FSTL5: variants seen among roughly 807,000 people sequenced by gnomAD.
The protein encoded by FSTL5 is follistatin-related protein 5.
In FSTL5, 62 loss-of-function variants were observed where a neutral mutation model predicts 89.1. That is an observed-to-expected ratio of 0.70 (90% CI 0.57 to 0.86). The LOEUF (loss-of-function observed/expected upper bound fraction) is 0.86, where lower values mean the gene tolerates loss of function less well. FSTL5 is among the 40% of genes least tolerant of loss of function. FSTL5 has a pLI of 0.00. For missense variants in FSTL5, 1,057 were observed against 1,001.6 expected (o/e 1.06, Z -0.75); for synonymous variants, 383 against 346.2 (o/e 1.11, Z -1.18).
intron 1 of FSTL5, among the ~76,000 whole-genome samples, chr4:162,154,953 A>G (rs925372070): frequency 1.3e-5 from 2 of 152,166 alleles, no homozygotes; most frequent in African/African-American, 2.4e-5. Context: ...ATTTAGGGTT[A>G]GAAAGAAAAG....
intron 13 of FSTL5, among the ~76,000 whole-genome samples, chr4:161,469,127 A>G (rs1054756533): frequency 1.3e-5 from 2 of 152,014 alleles, no homozygotes; most frequent in African/African-American, 2.4e-5. Flanking sequence ...TTCAGTCTCT[A>G]TTATTTTCAC....
chr4:161,961,872 G>A (rs2110982239), intron 3 of FSTL5, among the ~76,000 whole-genome samples: 1 of 151,560 alleles, frequency 6.6e-6, no homozygotes, highest in Non-Finnish European at 1.5e-5. Flanking sequence ...CAAAAGCTAT[G>A]ATAACAAACA....
At chr4:161,939,860 C>T (rs927883842) in intron 3 of FSTL5, among the ~76,000 whole-genome samples, 2 of 151,832 alleles carry the variant, frequency 1.3e-5, no homozygotes, top group African/African-American at 4.8e-5. Context: ...AAAAGTCAAG[C>T]ATAAACTGTC....
At chr4:161,737,231 T>C (rs566433140) in intron 6 of FSTL5, among the ~76,000 whole-genome samples, 2 of 152,184 alleles carry the variant, frequency 1.3e-5, no homozygotes, top group East Asian at 1.9e-4. Context: ...ATCTGACATG[T>C]CCATAAAGCA....
At chr4:161,808,255 A>G (rs1730028098) in intron 4 of FSTL5, among the ~76,000 whole-genome samples, 1 of 152,046 alleles carries the variant, frequency 6.6e-6, no homozygotes, top group African/African-American at 2.4e-5. Flanking sequence ...AAATAATTAG[A>G]CAGGGATTTC....
intron 5 of FSTL5, among the ~76,000 whole-genome samples, chr4:161,760,775 T>G (rs924650355): frequency 6.6e-6 from 1 of 152,232 alleles, no homozygotes; most frequent in East Asian, 1.9e-4. Context: ...CAGAATGTCT[T>G]GGACTTTCTT....
intron 7 of FSTL5, among the ~76,000 whole-genome samples, chr4:161,638,113 A>AT (rs201255726): frequency 0.17 from 24,903 of 150,066 alleles, 2,122 homozygotes; most frequent in Middle Eastern, 0.31. Context: ...ATGTTCTTCC[A>AT]TTTGTTTGTA....
chr4:161,921,230 T>C (rs1167875214), intron 3 of FSTL5, among the ~76,000 whole-genome samples: 1 of 152,192 alleles, frequency 6.6e-6, no homozygotes, highest in African/African-American at 2.4e-5. Flanking sequence ...TCTTGAAAAC[T>C]TTGATACATG....
chr4:161,706,763 C>G (rs772228305), intron 6 of FSTL5, among the ~76,000 whole-genome samples: 23 of 151,980 alleles, frequency 1.5e-4, no homozygotes, highest in African/African-American at 2.2e-4. Flanking sequence ...ACAGTTATCA[C>G]TACTTAAAAG....
At chr4:161,671,572 CTGTT>C (rs1461453943) in intron 6 of FSTL5, among the ~76,000 whole-genome samples, 1 of 152,078 alleles carries the variant, frequency 6.6e-6, no homozygotes, top group East Asian at 1.9e-4. Flanking sequence ...AAAATATGAT[CTGTT>C]TATTTCTGCT....
At chr4:161,528,122 A>G (rs1323113225) in intron 10 of FSTL5, among the ~76,000 whole-genome samples, 1 of 107,266 alleles carries the variant, frequency 9.3e-6, no homozygotes, top group Admixed American at 1.3e-4. Flanking sequence ...AGGAAGGGGA[A>G]CATCATACTC....
intron 15 of FSTL5, among the ~76,000 whole-genome samples, chr4:161,438,139 T>A (rs1281313616): frequency 3.9e-5 from 6 of 152,154 alleles, no homozygotes; most frequent in Non-Finnish European, 2.9e-5. Context: ...GAAGAATGAA[T>A]TTCATTAAAG....
At chr4:162,038,875 C>A (rs542878414) in intron 2 of FSTL5, among the ~76,000 whole-genome samples, 1 of 151,820 alleles carries the variant, frequency 6.6e-6, no homozygotes. Flanking sequence ...TCCACCATAA[C>A]AGCATTGAGG....
intron 13 of FSTL5, among the ~76,000 whole-genome samples, chr4:161,468,516 T>G (rs1733826763): frequency 6.6e-6 from 1 of 152,180 alleles, no homozygotes. Context: ...TAGTTGAGAA[T>G]GTACTGTTAT....
chr4:161,920,554 A>G lies in FSTL5; in HGVS notation c.259T>C (p.Cys87Arg), dbSNP rs777725939. 1.9e-6 allele frequency: 3 copies of G among 1,614,068 alleles called. No homozygotes were observed. Reference sequence around the variant, plus strand: ...CGTTTGCAAAGGTCCATACAGGCACATTCTGCTTGCCCTGTCTCTCTGCTG... The same window carrying G: ...CGTTTGCAAAGGTCCATACAGGCACGTTCTGCTTGCCCTGTCTCTCTGCTG... ...VTSRETGQAE[C>R]ACMDLCKRHY... The change falls in exon 4 of 16, where the codon TGT (cysteine) becomes CGT (arginine). Residue 87 changes from cysteine (C) to arginine (R), a missense_variant. Physicochemically the swap from Cys to Arg is radical, Grantham distance 180. Coordinates refer to ENST00000306100, the MANE Select transcript of FSTL5 (RefSeq NM_020116.5).
intron 6 of FSTL5, among the ~76,000 whole-genome samples, chr4:161,741,418 C>T (rs1400600230): frequency 6.6e-6 from 1 of 152,064 alleles, no homozygotes; most frequent in Non-Finnish European, 1.5e-5. Context: ...AGGGTTGAGC[C>T]AAGTAATTCT....
intron 6 of FSTL5, among the ~76,000 whole-genome samples, chr4:161,758,520 T>C (rs1336978688): frequency 6.6e-6 from 1 of 152,180 alleles, no homozygotes; most frequent in African/African-American, 2.4e-5. Flanking sequence ...TATTTTACTA[T>C]TATTATTAAT....
intron 4 of FSTL5, among the ~76,000 whole-genome samples, chr4:161,792,559 T>G (rs1047785925): frequency 1.3e-5 from 2 of 152,032 alleles, no homozygotes; most frequent in Admixed American, 1.3e-4. Flanking sequence ...GACCAATCAG[T>G]GCACACTTTC....
chr4:161,684,490 G>A (rs1737641605), intron 6 of FSTL5, among the ~76,000 whole-genome samples: 1 of 151,992 alleles, frequency 6.6e-6, no homozygotes, highest in Admixed American at 6.6e-5. Flanking sequence ...ATAGCATTGT[G>A]GTTTTAATTT....
Sources: allele counts gnomAD v4.1 joint callset (sites outside exome capture counted in the v4.1 genomes callset), GRCh38; gene constraint gnomAD v4.1.1; transcripts MANE v1.5; gene names NCBI Gene and HGNC (gene_info 2026-07-23, HGNC 2026-07-21).